Variants in LUC7L2 observed in about 807,000 individuals in gnomAD.
LUC7L2 encodes LUC7 like 2, pre-mRNA splicing factor.
A neutral mutation model predicts 52.8 loss-of-function variants in LUC7L2; 25 were observed. The ratio of observed to expected loss-of-function variants is 0.47; its 90% CI spans 0.34 to 0.66. The LOEUF (loss-of-function observed/expected upper bound fraction) is 0.66, where lower values mean the gene tolerates loss of function less well. Among genes scored for constraint, LUC7L2 ranks in the 30% least tolerant of loss-of-function variants. The pLI is 0.01. For synonymous variants in LUC7L2, 144 were observed against 160.9 expected (o/e 0.89, Z 0.80); for missense variants, 328 against 497.8 (o/e 0.66, Z 3.25).
chr7:139,374,198 C>CTGTA (rs200579985), intron 1 of LUC7L2, among the ~76,000 whole-genome samples: 1,587 of 152,238 alleles, frequency 0.01, 7 homozygotes, highest in Middle Eastern at 0.027. Flanking sequence ...GGACTTTTAC[C>CTGTA]TGTAGTCAGT....
At chr7:139,379,363 T>A (rs1800869485) in intron 2 of LUC7L2, among the ~76,000 whole-genome samples, 1 of 131,320 alleles carries the variant, frequency 7.6e-6, no homozygotes, top group African/African-American at 3.9e-5. Context: ...AGAAATGCAT[T>A]TCCTGCCTTT....
intron 2 of LUC7L2, among the ~76,000 whole-genome samples, chr7:139,383,788 C>A (rs1794068208): frequency 9.5e-6 from 1 of 105,498 alleles, no homozygotes. Flanking sequence ...GGCTGGAGTG[C>A]AGTGGTGTGA....
intron 2 of LUC7L2, among the ~76,000 whole-genome samples, chr7:139,386,194 G>A (rs529625286): frequency 7.2e-4 from 109 of 151,788 alleles, no homozygotes; most frequent in Admixed American, 2.3e-3. Context: ...GTAGAGATGG[G>A]GTTTCACCAT....
intron 1 of LUC7L2, among the ~76,000 whole-genome samples, chr7:139,365,458 G>C (rs1478396304): frequency 6.6e-6 from 1 of 152,168 alleles, no homozygotes; most frequent in Non-Finnish European, 1.5e-5. Flanking sequence ...TGTTCAACGT[G>C]TTCAAGATGG....
At chr7:139,405,609 G>A (rs1477129875) in intron 4 of LUC7L2, 35 bp from the exon 5 acceptor site, 8 of 1,555,316 alleles carry the variant, frequency 5.1e-6, no homozygotes, top group Non-Finnish European at 6.9e-6. Flanking sequence ...TCATTCTCTT[G>A]TTTATTCATG....
chr7:139,375,227 T>A, intron 1 of LUC7L2: 2 of 984,726 alleles, frequency 2.0e-6, no homozygotes, highest in Non-Finnish European at 2.4e-6. Flanking sequence ...TTCTTTAACG[T>A]TTTGAGTAGA....
intron 1 of LUC7L2, chr7:139,371,345 C>T: frequency 3.9e-6 from 3 of 762,804 alleles, no homozygotes; most frequent in South Asian, 1.5e-5. Context: ...CTTTAAGGTT[C>T]TTTTGAAATT....
intron 1 of LUC7L2, among the ~76,000 whole-genome samples, chr7:139,367,132 C>T (rs7799742): frequency 0.39 from 58,481 of 151,858 alleles, 15,741 homozygotes; most frequent in African/African-American, 0.77. Flanking sequence ...CTGTCATGCC[C>T]TGCTAATTTT....
At chr7:139,399,069 TTA>T (rs10585186) in intron 3 of LUC7L2, among the ~76,000 whole-genome samples, 57,952 of 150,862 alleles carry the variant, frequency 0.38, 15,463 homozygotes, top group African/African-American at 0.76. Context: ...TTGAATCTAC[TTA>T]TATATATATA....
intron 2 of LUC7L2, among the ~76,000 whole-genome samples, chr7:139,390,594 C>T (rs1167413011): frequency 2.2e-5 from 3 of 138,954 alleles, no homozygotes; most frequent in African/African-American, 2.8e-5. Flanking sequence ...CTCGCTTTGT[C>T]GCCCAGGCTG....
intron 1 of LUC7L2, chr7:139,345,360 A>T (rs987527545): frequency 1.6e-6 from 2 of 1,279,848 alleles, no homozygotes; most frequent in Non-Finnish European, 2.1e-6. Flanking sequence ...AGATGTATTA[A>T]GTATACATGT....
chr7:139,370,865 C>G (rs998201821), intron 1 of LUC7L2, among the ~76,000 whole-genome samples: 7 of 124,162 alleles, frequency 5.6e-5, no homozygotes, highest in African/African-American at 2.8e-4. Flanking sequence ...AACTCAGCAG[C>G]TTATGTTGGA....
chr7:139,417,570 C>T lies in LUC7L2; in HGVS notation c.842C>T (p.Ser281Phe). Residue 281 changes from serine to phenylalanine, a missense_variant, in exon 9 of 10, where the codon TCT (serine) becomes TTT (phenylalanine). This residue lies in a region of LUC7L2 where 195 missense variants were observed against 223.3 expected (regional missense o/e 0.87). Transcript: ENST00000354926. ...TCCAGAGAGCATCGCAGACATCGAT[C>T]TCGCTCCATGTCACGTGAACGCAAG... is the stretch of plus-strand genomic sequence containing the variant. ...SRSREHRRHR[S>F]RSMSRERKRR... The T allele has an allele frequency of 1.2e-6, 2 of 1,614,194 alleles. No homozygotes were observed. Among genetic ancestry groups the T allele is most frequent in the South Asian group, 1.1e-5 (1 of 91,082 alleles).
chr7:139,344,271 AC>A (rs1169554209), intron 1 of LUC7L2, among the ~76,000 whole-genome samples: 11 of 152,244 alleles, frequency 7.2e-5, no homozygotes, highest in African/African-American at 2.6e-4. Context: ...AACTGTGGGG[AC>A]TGGTTCCAGG....
intron 3 of LUC7L2, among the ~76,000 whole-genome samples, chr7:139,399,905 T>C (rs923276547): frequency 1.6e-5 from 2 of 122,194 alleles, no homozygotes; most frequent in Non-Finnish European, 3.1e-5. Flanking sequence ...AAAATAAAGT[T>C]TTTTTGCATA....
At chr7:139,402,521 GT>G (rs111406651) in intron 4 of LUC7L2, among the ~76,000 whole-genome samples, 58,308 of 151,964 alleles carry the variant, frequency 0.38, 15,596 homozygotes, top group African/African-American at 0.76. Context: ...GCTCTGTGCA[GT>G]TTTTTTGTTT....
At chr7:139,384,315 G>A (rs4728465) in intron 2 of LUC7L2, among the ~76,000 whole-genome samples, 39,929 of 151,748 alleles carry the variant, frequency 0.26, 5,784 homozygotes, top group African/African-American at 0.38. Context: ...CTCCAGGCTG[G>A]AGTGCAGTGG....
rs756831517 is a variant in LUC7L2 at position 139,376,051 on chromosome 7, C to A, written c.62-11C>A. ...CTAACCTTGAATGTTATTAACTCTT[C>A]TATATTACAGGAGATACAACTCGTC... On this transcript the variant is annotated splice_polypyrimidine_tract_variant and intron_variant, in intron 1 of 9. Coordinates refer to ENST00000354926, the MANE Select transcript of LUC7L2 (RefSeq NM_016019.5). 1.2e-6 allele frequency: 2 copies of A among 1,613,134 alleles called. No individual in the cohort carries two copies. The highest frequency in any genetic ancestry group is 1.1e-5 in the South Asian group (1 of 91,022).
chr7:139,422,192 A>T lies in LUC7L2; in HGVS notation c.1031A>T (p.Asp344Val), dbSNP rs746638828. ...RSSKERFRDQ[D>V]LASCDRDRSS... is the part of the protein sequence containing the mutation. The stretch of plus-strand genomic sequence containing the variant: ...TCAAAAGAAAGATTCAGAGACCAAG[A>T]CTTAGCATCATGTGACAGAGACAGG... Residue 344 changes from aspartate to valine, a missense_variant, in exon 10 of 10, where the codon GAC becomes GTC. This residue lies in a region of LUC7L2 where 195 missense variants were observed against 223.3 expected (regional missense o/e 0.87). Transcript: ENST00000354926. 1 of 1,613,148 alleles carries T rather than the reference A, an allele frequency of 6.2e-7. No homozygotes were observed. The highest frequency in any genetic ancestry group is 8.5e-7 in the Non-Finnish European group (1 of 1,179,754).
Sources: gnomAD v4.1 joint callset for allele counts (sites outside exome capture counted in the v4.1 genomes callset) on GRCh38, gnomAD v4.1.1 for gene constraint, gnomAD v4.1.1 regional missense constraint, MANE v1.5 for transcripts, NCBI Gene and HGNC (gene_info 2026-07-23, HGNC 2026-07-21) for gene names.